COP1: variants seen among roughly 807,000 people sequenced by gnomAD.
The protein encoded by COP1 is COP1 E3 ubiquitin ligase.
COP1 carries 24 observed loss-of-function variants against 101.3 expected under a neutral mutation model. The observed-to-expected ratio is 0.24, with a 90% CI of 0.17 to 0.33. The LOEUF is 0.33. Among genes scored for constraint, COP1 ranks in the 10% least tolerant of loss-of-function variants. The pLI, the probability that COP1 is intolerant of heterozygous loss-of-function variation, is 1.00. For missense variants in COP1, 663 were observed against 906.2 expected (o/e 0.73, Z 3.45); for synonymous variants, 347 against 341.9 (o/e 1.01, Z -0.17).
At chr1:175,966,209 T>C (rs142414026) in intron 18 of COP1, among the ~76,000 whole-genome samples, 213 of 152,172 alleles carry the variant, frequency 1.4e-3, no homozygotes, top group African/African-American at 4.8e-3. Context: ...AAAATGTTAG[T>C]TAGCCTTCCC....
chr1:176,181,278 G>C (rs1481641736), intron 2 of COP1, among the ~76,000 whole-genome samples: 1 of 152,152 alleles, frequency 6.6e-6, no homozygotes, highest in East Asian at 1.9e-4. Context: ...GAGCTTTGAA[G>C]TGGTATACTG....
intron 15 of COP1, among the ~76,000 whole-genome samples, chr1:175,998,270 A>G (rs1426085881): frequency 4.3e-4 from 62 of 145,468 alleles, no homozygotes; most frequent in Middle Eastern, 3.4e-3. Flanking sequence ...ATGAGAACAC[A>G]TGGACACAGG....
At chr1:176,032,172 A>T (rs1187689654) in intron 14 of COP1, among the ~76,000 whole-genome samples, 1 of 152,202 alleles carries the variant, frequency 6.6e-6, no homozygotes, top group Non-Finnish European at 1.5e-5. Flanking sequence ...ACTCGCTTCT[A>T]AACTACTGTC....
At chr1:176,151,383 A>AAG (rs149339354) in intron 5 of COP1, among the ~76,000 whole-genome samples, 5 of 117,256 alleles carry the variant, frequency 4.3e-5, no homozygotes, top group Non-Finnish European at 6.2e-5. Flanking sequence ...GAAAGAAAGA[A>AAG]AGAAAGAAAG....
chr1:175,983,138 T>C (rs1463471375), intron 18 of COP1, among the ~76,000 whole-genome samples: 1 of 60,796 alleles, frequency 1.6e-5, no homozygotes, highest in Non-Finnish European at 5.4e-5. Context: ...TTGTACCCCA[T>C]AAATACTTAC....
intron 2 of COP1, among the ~76,000 whole-genome samples, chr1:176,179,231 A>C (rs1241286523): frequency 6.6e-6 from 1 of 151,832 alleles, no homozygotes; most frequent in Non-Finnish European, 1.5e-5. Flanking sequence ...CAGAGGTTGC[A>C]GTGAGCCAAG....
intron 6 of COP1, among the ~76,000 whole-genome samples, chr1:176,139,728 A>G (rs1358485074): frequency 2.0e-5 from 3 of 152,184 alleles, no homozygotes; most frequent in Non-Finnish European, 4.4e-5. Context: ...CAAATACCAC[A>G]TGTTCTCACT....
intron 8 of COP1, among the ~76,000 whole-genome samples, chr1:176,127,777 A>G (rs751151643): frequency 6.6e-6 from 1 of 152,138 alleles, no homozygotes; most frequent in Non-Finnish European, 1.5e-5. Context: ...GGATTGCAGG[A>G]TCGTATGGTA....
At chr1:176,065,365 C>T (rs1675728197) in intron 11 of COP1, among the ~76,000 whole-genome samples, 3 of 152,172 alleles carry the variant, frequency 2.0e-5, no homozygotes, top group Admixed American at 2.0e-4. Context: ...CTAAAAATGT[C>T]TGATGGAAGC....
intron 14 of COP1, among the ~76,000 whole-genome samples, chr1:176,031,762 G>T (rs1668681314): frequency 6.6e-6 from 1 of 152,132 alleles, no homozygotes; most frequent in South Asian, 2.1e-4. Context: ...ACGTTAATGT[G>T]TAAAGTGTCT....
At chr1:176,203,224 C>T (rs968127346) in intron 1 of COP1, among the ~76,000 whole-genome samples, 2 of 152,046 alleles carry the variant, frequency 1.3e-5, no homozygotes, top group African/African-American at 4.8e-5. Context: ...GTAGTCCCAG[C>T]TACTCGGGAG....
chr1:175,988,530 G>T, intron 16 of COP1, 118 bp from the exon 17 acceptor site: 1 of 939,348 alleles, frequency 1.1e-6, no homozygotes, highest in Non-Finnish European at 1.6e-6. Context: ...GAGCCAGACT[G>T]AGTTAGCACG....
intron 15 of COP1, among the ~76,000 whole-genome samples, chr1:176,003,937 T>C (rs1232863898): frequency 1.3e-5 from 2 of 152,058 alleles, no homozygotes; most frequent in East Asian, 1.9e-4. Flanking sequence ...TAAATTACCC[T>C]GGGCAGTATG....
intron 18 of COP1, among the ~76,000 whole-genome samples, chr1:175,959,308 T>C (rs1651046344): frequency 6.6e-6 from 1 of 152,106 alleles, no homozygotes; most frequent in Non-Finnish European, 1.5e-5. Flanking sequence ...GAAACTTCTT[T>C]GTAAGGGTAT....
At chr1:175,970,102 CT>C (rs1181436802) in intron 18 of COP1, among the ~76,000 whole-genome samples, 3 of 152,016 alleles carry the variant, frequency 2.0e-5, no homozygotes, top group African/African-American at 7.2e-5. Context: ...TATTTTTTTG[CT>C]CTCCAAGTTG....
intron 11 of COP1, among the ~76,000 whole-genome samples, chr1:176,066,426 A>G (rs1425204567): frequency 6.6e-6 from 1 of 152,066 alleles, no homozygotes; most frequent in East Asian, 1.9e-4. Flanking sequence ...AGTAAAGTGA[A>G]CTCCTACTAA....
Position 175,973,161 on chromosome 1 carries a change from T to G in COP1, c.2133+13782A>C, listed in dbSNP as rs192086914. ...CTTATTTTTTTAACACTTTTACAAG[T>G]CTAATTTTTAGTGAAATGTATTTGG... On this transcript the variant is annotated intron_variant, in intron 18 of 19. Coordinates refer to ENST00000367669, the MANE Select transcript of COP1 (RefSeq NM_022457.7). 2.2e-3 allele frequency among the ~76,000 whole-genome samples: 333 copies of G among 152,276 alleles called. 1 individual carries two copies. Among genetic ancestry groups the G allele is most frequent in the African/African-American group, 7.6e-3 (317 of 41,556 alleles).
chr1:175,955,676 T>C (rs1418904403), intron 18 of COP1, among the ~76,000 whole-genome samples: 2 of 151,538 alleles, frequency 1.3e-5, no homozygotes, highest in Non-Finnish European at 1.5e-5. Context: ...ATCAGTTCAC[T>C]TCCATAAACT....
At chr1:176,085,569 C>G (rs1679984813) in intron 10 of COP1, among the ~76,000 whole-genome samples, 1 of 152,042 alleles carries the variant, frequency 6.6e-6, no homozygotes, top group South Asian at 2.1e-4. Context: ...TATAAAGATT[C>G]AGAATTCACA....
Sources: gnomAD v4.1 joint callset for allele counts (sites outside exome capture counted in the v4.1 genomes callset) on GRCh38, gnomAD v4.1.1 for gene constraint, MANE v1.5 for transcripts, NCBI Gene and HGNC (gene_info 2026-07-23, HGNC 2026-07-21) for gene names.